The following DGKZ variants were observed in gnomAD, a reference collection of about 807,000 sequenced individuals.
The protein encoded by DGKZ is DAG kinase zeta.
A neutral mutation model predicts 142.5 loss-of-function variants in DGKZ; 45 were observed. That is an observed-to-expected ratio of 0.32 (90% confidence interval 0.25 to 0.40). DGKZ has a LOEUF of 0.40. Among genes scored for constraint, DGKZ ranks in the 10% least tolerant of loss-of-function variants. The pLI, the probability that DGKZ is intolerant of heterozygous loss-of-function variation, is 1.00. For missense variants in DGKZ, 755 were observed against 1,306.5 expected (o/e 0.58, Z 6.51); for synonymous variants, 442 against 527.0 (o/e 0.84, Z 2.21).
intron 20 of DGKZ, 43 bp from the exon 21 acceptor site, chr11:46,375,808 C>T: frequency 6.5e-7 from 1 of 1,543,934 alleles, no homozygotes; most frequent in Non-Finnish European, 8.7e-7. Context: ...GGCACCAAGG[C>T]AGGGCCCTTG....
intron 1 of DGKZ, chr11:46,333,530 AC>A: frequency 1.3e-6 from 2 of 1,515,146 alleles, no homozygotes; most frequent in Non-Finnish European, 8.9e-7. Flanking sequence ...GCTTGGGACC[AC>A]CCCTCTTGCA....
chr11:46,364,254 G>A (rs1036150344), intron 1 of DGKZ: 16 of 858,858 alleles, frequency 1.9e-5, no homozygotes, highest in African/African-American at 1.7e-4. Flanking sequence ...TCACCTCTGC[G>A]TCAACTTCCT....
intron 1 of DGKZ, among the ~76,000 whole-genome samples, chr11:46,362,551 A>ACT (rs201947488): frequency 1.3e-5 from 2 of 151,796 alleles, no homozygotes; most frequent in Admixed American, 6.6e-5. Flanking sequence ...ATCACCAGGC[A>ACT]CTCTCTCTCT....
In DGKZ at chr11:46,374,676, GCC is replaced by G; in HGVS notation, c.1524+11_1524+12del. On this transcript the variant is annotated intron_variant, in intron 17 of 30. Coordinates refer to ENST00000527911, the Ensembl canonical transcript of DGKZ. The stretch of plus-strand genomic sequence containing the variant: ...GCACATCCGAGTGGTGGTGAGCGGG[GCC>G]AGGCTGCCGTGGGTGGGTGGGCCGG... 1.2e-6 allele frequency: 2 copies of G among 1,600,446 alleles called. No homozygotes were observed. Among genetic ancestry groups the G allele is most frequent in the Non-Finnish European group, 8.5e-7 (1 of 1,172,494 alleles).
chr11:46,350,898 C>T (rs1334104918), intron 1 of DGKZ, among the ~76,000 whole-genome samples: 3 of 149,996 alleles, frequency 2.0e-5, no homozygotes, highest in Non-Finnish European at 4.4e-5. Context: ...TTCTCCCCAG[C>T]TTGTGGATTC....
At chr11:46,350,730 G>A (rs1168423102) in intron 1 of DGKZ, among the ~76,000 whole-genome samples, 1 of 152,170 alleles carries the variant, frequency 6.6e-6, no homozygotes, top group African/African-American at 2.4e-5. Context: ...TGGCCCCTCT[G>A]GGTAGGACAG....
chr11:46,344,444 G>A (rs1174508173), upstream of DGKZ, among the ~76,000 whole-genome samples: 1 of 149,440 alleles, frequency 6.7e-6, no homozygotes, highest in Non-Finnish European at 1.5e-5. Flanking sequence ...ATAACACCAT[G>A]AGCTCAATTT....
intron 1 of DGKZ, chr11:46,361,475 TG>T: frequency 3.6e-6 from 1 of 274,572 alleles, no homozygotes; most frequent in Non-Finnish European, 5.6e-6. Flanking sequence ...CTGCAGGGCC[TG>T]GAGCCGCTGC....
intron 1 of DGKZ, among the ~76,000 whole-genome samples, chr11:46,342,336 T>G (rs1198931798): frequency 1.3e-5 from 2 of 152,156 alleles, no homozygotes; most frequent in African/African-American, 4.8e-5. Flanking sequence ...AAGGTGGCCC[T>G]AGTCTCACAG....
rs968978557 is a variant in DGKZ at position 46,334,413 on chromosome 11, C to G, written c.212+926C>G. 2.0e-5 allele frequency among the ~76,000 whole-genome samples: 3 copies of G among 152,224 alleles called. 1 individual carries two copies. Among genetic ancestry groups the G allele is most frequent in the Non-Finnish European group, 4.4e-5 (3 of 68,040 alleles). On this transcript the variant is annotated intron_variant, in intron 1 of 30. Coordinates refer to the DGKZ transcript ENST00000343674. ...TCGGCCTGGTTGGAGAGGACAAGTTCCCTGTCCACTTACAACCATGGGGTG... is the reference window on the plus strand; with the variant it reads ...TCGGCCTGGTTGGAGAGGACAAGTTGCCTGTCCACTTACAACCATGGGGTG...
At position 46,347,483 on chromosome 11, in the gene DGKZ, C is replaced by G. The variant is rs984631556; in HGVS notation, c.-177C>G. ...CTGGCGGCACTTCCTGGAGCGGCGG[C>G]GGCAGCGGCTTCCCGGGCACCTGGG... On this transcript the variant is annotated 5_prime_UTR_variant, in exon 1 of 31. Coordinates refer to ENST00000527911, the Ensembl canonical transcript of DGKZ. The surrounding 1 kb of genome is among the most constrained non-coding windows in gnomAD (Gnocchi z 6.4). 1.3e-5 allele frequency: 13 copies of G among 982,234 alleles called. No individual in the cohort carries two copies. The African/African-American group carries it at 2.3e-4, about 17-fold the overall frequency. The allele number at this position is 982,234 out of a possible 1,614,324, so 60.8% of individuals were successfully genotyped here. A position where few individuals can be genotyped will look rare whatever the true frequency, so the allele number is the denominator to read the frequency against.
intron 19 of DGKZ, 132 bp downstream of exon 19, chr11:46,375,177 T>C: frequency 1.0e-6 from 1 of 954,670 alleles, no homozygotes; most frequent in South Asian, 1.7e-5. Context: ...TCCTCTGGCT[T>C]GAGAGCGGCA....
chr11:46,365,345 G>A (rs1590531146), intron 1 of DGKZ: 1 of 985,304 alleles, frequency 1.0e-6, no homozygotes, highest in Admixed American at 6.2e-5. Context: ...TCACCCTGGG[G>A]TATCCGTACT....
At position 46,337,287 on chromosome 11, in the gene DGKZ, C is replaced by CTT. The variant is rs948859545; in HGVS notation, c.212+3825_212+3826dup. Among the ~76,000 whole-genome samples the CTT allele has an allele frequency of 3.5e-3, 298 of 86,310 alleles. 10 individuals are homozygous for CTT. Among genetic ancestry groups the CTT allele is most frequent in the African/African-American group, 5.8e-3 (130 of 22,514 alleles). 56.6% of individuals were successfully genotyped at this position (86,310 alleles called of 152,430 possible). ...CTGGGGGTCTCTTTTTAAATGGGTT[C>CTT]TTTTTTTTTTTTTTTTTTTTTTTTT... On this transcript the variant is annotated intron_variant, in intron 1 of 30. Transcript: ENST00000343674.
chr11:46,337,845 C>T (rs780133966), intron 1 of DGKZ, among the ~76,000 whole-genome samples: 27 of 151,882 alleles, frequency 1.8e-4, no homozygotes, highest in Non-Finnish European at 3.4e-4. Context: ...ATGTGGCTGG[C>T]GGAGGGCTTC....
intron 9 of DGKZ, 35 bp downstream of exon 9, chr11:46,371,810 C>A: frequency 6.3e-7 from 1 of 1,599,982 alleles, no homozygotes. Context: ...TGCAGGGGAG[C>A]AGGAGAGAGG....
intron 20 of DGKZ, 23 bp downstream of exon 20, chr11:46,375,654 C>A (rs769292427): frequency 6.5e-7 from 1 of 1,537,528 alleles, no homozygotes; most frequent in Non-Finnish European, 8.7e-7. Flanking sequence ...CTGCCACGTG[C>A]CCTGGGTGCC....
chr11:46,371,805 G>T, intron 9 of DGKZ, 30 bp downstream of exon 9: 2 of 1,604,614 alleles, frequency 1.2e-6, no homozygotes, highest in South Asian at 2.2e-5. Flanking sequence ...GAGGCTGCAG[G>T]GGAGCAGGAG....
Position 46,374,154 on chromosome 11 carries a change from C to T in DGKZ, c.1327-3C>T, listed in dbSNP as rs1944287929. 6.2e-7 allele frequency: 1 copy of T among 1,614,180 alleles called. No homozygotes were observed. Among genetic ancestry groups the T allele is most frequent in the Non-Finnish European group, 8.5e-7 (1 of 1,180,034 alleles). On this transcript the variant is annotated splice_polypyrimidine_tract_variant and splice_region_variant and intron_variant, in intron 14 of 30. Coordinates refer to ENST00000527911, the Ensembl canonical transcript of DGKZ. ...TCATTTTGGTCCCTTGACCTTTTTC[C>T]AGTTGCCCCTGGATGTCTTCAACAA...
Sources: gnomAD v4.1 joint callset for allele counts (sites outside exome capture counted in the v4.1 genomes callset) on GRCh38, gnomAD v4.1.1 for gene constraint, Gnocchi (gnomAD v3.1) non-coding constraint, MANE v1.5 for transcripts, NCBI Gene and HGNC (gene_info 2026-07-23, HGNC 2026-07-21) for gene names.